ARHGEF4: variants seen among roughly 807,000 people sequenced by gnomAD.
ARHGEF4 encodes the protein APC-stimulated guanine nucleotide exchange factor 1.
Under a neutral mutation model 162.0 loss-of-function variants are expected in ARHGEF4, and 119 were observed. That is an observed-to-expected ratio of 0.73 (90% CI 0.63 to 0.86). The LOEUF (loss-of-function observed/expected upper bound fraction) is 0.86, where lower values mean the gene tolerates loss of function less well. ARHGEF4 is among the 40% of genes least tolerant of loss of function. The pLI, the probability that ARHGEF4 is intolerant of heterozygous loss-of-function variation, is 0.00. For synonymous variants in ARHGEF4, 1,014 were observed against 979.9 expected, an observed-to-expected ratio of 1.03 and a Z score of -0.65; for missense variants, 2,488 against 2,456.0, an observed-to-expected ratio of 1.01 and a Z score of -0.28.
chr2:130,915,290 G>A lies in ARHGEF4; in HGVS notation c.1344G>A (p.Lys448=), dbSNP rs1482101600. The A allele has an allele frequency of 6.4e-7, 1 of 1,550,678 alleles. No individual in the cohort carries two copies. The highest frequency in any genetic ancestry group is 8.7e-7 in the Non-Finnish European group (1 of 1,147,026). The part of the protein sequence containing the change: ...VASCLTSELV[K]LSAEEVPEPA... Reference sequence around the variant, plus strand: ...CATGCCTCACCTCAGAGTTAGTGAAGCTCAGTGCAGAGGAAGTGCCTGAGC... The same window carrying A: ...CATGCCTCACCTCAGAGTTAGTGAAACTCAGTGCAGAGGAAGTGCCTGAGC... The change falls in exon 2 of 14, where the codon AAG becomes AAA. Residue 448 remains lysine (K), a synonymous_variant. Transcript: ENST00000409359.
At chr2:130,968,785 G>A (rs975236237) in intron 4 of ARHGEF4, among the ~76,000 whole-genome samples, 1 of 152,156 alleles carries the variant, frequency 6.6e-6, no homozygotes, top group African/African-American at 2.4e-5. Context: ...GGGTGTGGTG[G>A]CACGCGCCTG....
chr2:130,918,643 G>T (rs1221050835), intron 2 of ARHGEF4, among the ~76,000 whole-genome samples: 1 of 152,204 alleles, frequency 6.6e-6, no homozygotes, highest in Non-Finnish European at 1.5e-5. Flanking sequence ...CTGGCAGAGC[G>T]CCTCCAGGCC....
intron 3 of ARHGEF4, among the ~76,000 whole-genome samples, chr2:130,931,581 G>A (rs991946082): frequency 2.0e-5 from 3 of 152,360 alleles, no homozygotes; most frequent in South Asian, 2.1e-4. Flanking sequence ...TGCCTGCTGT[G>A]TGCCCGACAT....
At position 131,046,029 on chromosome 2, in the gene ARHGEF4, C is replaced by T; in HGVS notation, c.5480-9C>T. ...CACCCATGACCCTCTGCTGTCTCTC[C>T]CTGTTCAGCTGTTGGCCGGCCCTGC... On this transcript the variant is annotated splice_polypyrimidine_tract_variant and intron_variant, in intron 13 of 13. Transcript: ENST00000409359. 1 of 1,608,438 alleles carries T rather than the reference C, an allele frequency of 6.2e-7. No homozygotes were observed. Among genetic ancestry groups the T allele is most frequent in the Non-Finnish European group, 8.5e-7 (1 of 1,176,868 alleles).
Position 130,917,321 on chromosome 2 carries a change from C to A in ARHGEF4, c.3375C>A (p.Tyr1125Ter). 1.9e-6 allele frequency: 3 copies of A among 1,550,560 alleles called. No individual in the cohort carries two copies. The highest frequency in any genetic ancestry group is 2.6e-6 in the Non-Finnish European group (3 of 1,146,992). ...ISMVSLGSYS[Y>*]VDSSSGDPER... ...TGGTTTCTCTTGGAAGCTACAGCTA[C>A]GTGGACAGCAGTTCAGGGGACCCTG... The change falls in exon 2 of 14, where the codon TAC (tyrosine) becomes TAA (stop). Residue 1125 changes from tyrosine (Y) to a stop codon, truncating the protein, a stop_gained. Transcript: ENST00000409359. LOFTEE classifies it high-confidence loss of function.
At chr2:131,021,549 C>T (rs527747828) in intron 4 of ARHGEF4, among the ~76,000 whole-genome samples, 1 of 152,170 alleles carries the variant, frequency 6.6e-6, no homozygotes, top group African/African-American at 2.4e-5. Context: ...CTAGGCATTA[C>T]CATTCAGGAC....
intron 4 of ARHGEF4, among the ~76,000 whole-genome samples, chr2:131,023,993 A>G (rs2105359967): frequency 6.6e-6 from 1 of 152,352 alleles, no homozygotes; most frequent in African/African-American, 2.4e-5. Flanking sequence ...GATAGAGTGC[A>G]GGACATTTGG....
chr2:130,879,124 A>C (rs1296710600), intron 1 of ARHGEF4, among the ~76,000 whole-genome samples: 1 of 152,176 alleles, frequency 6.6e-6, no homozygotes, highest in African/African-American at 2.4e-5. Context: ...TGAGTCCAGG[A>C]GGGAGGGAGT....
chr2:131,022,004 A>G (rs1305762582), intron 4 of ARHGEF4, among the ~76,000 whole-genome samples: 2 of 152,122 alleles, frequency 1.3e-5, no homozygotes, highest in Non-Finnish European at 1.5e-5. Flanking sequence ...AATAAATTCC[A>G]TTTGGTCCTG....
chr2:131,040,042 G>A lies in ARHGEF4; in HGVS notation c.4332G>A (p.Ala1444=). 1 of 1,574,648 alleles carries A rather than the reference G, an allele frequency of 6.4e-7. No individual in the cohort carries two copies. The highest frequency in any genetic ancestry group is 1.4e-5 in the African/African-American group (1 of 73,848). The change falls in exon 7 of 14, where the codon GCG becomes GCA. Residue 1444 remains alanine, a synonymous_variant. Transcript: ENST00000409359. ...TGAGGGTGAATCAGGACGAGCCCGC[G>A]GATGACGACGCCCCTCTGGCCGGGA... ...VRLRVNQDEP[A]DDDAPLAGNS...
chr2:131,041,761 C>A, intron 9 of ARHGEF4, 54 bp from the exon 10 acceptor site: 3 of 1,591,504 alleles, frequency 1.9e-6, no homozygotes, highest in South Asian at 1.1e-5. Context: ...AGGGGATCCT[C>A]ACCCTTTCTC....
Position 130,847,062 on chromosome 2 carries a change from C to T in ARHGEF4, c.39+10070C>T, listed in dbSNP as rs561329940. 5.9e-5 allele frequency among the ~76,000 whole-genome samples: 9 copies of T among 152,248 alleles called. No individual in the cohort carries two copies. In the South Asian group the frequency reaches 6.2e-4, roughly 11 times the overall value. The stretch of plus-strand genomic sequence containing the variant: ...AGCCTGGGTGTAATTCTGATGTGCG[C>T]GGGCTAAGAGCCCTGTGTGGATTCC... On this transcript the variant is annotated intron_variant, in intron 1 of 13. Coordinates refer to ENST00000409359, the MANE Select transcript of ARHGEF4 (RefSeq NM_001367493.1).
At chr2:130,933,479 C>T (rs1682761945) in intron 3 of ARHGEF4, among the ~76,000 whole-genome samples, 1 of 152,052 alleles carries the variant, frequency 6.6e-6, no homozygotes. Context: ...TTGGGATTTC[C>T]ATAGGATTGC....
At chr2:130,967,014 G>A (rs544046486) in intron 4 of ARHGEF4, among the ~76,000 whole-genome samples, 10 of 152,292 alleles carry the variant, frequency 6.6e-5, no homozygotes, top group Admixed American at 5.9e-4. Flanking sequence ...CGTCAGCACA[G>A]CTTGATTGTG....
intron 4 of ARHGEF4, among the ~76,000 whole-genome samples, chr2:130,978,568 T>C (rs572456458): frequency 6.6e-6 from 1 of 152,212 alleles, no homozygotes; most frequent in Non-Finnish European, 1.5e-5. Flanking sequence ...GTCCCTTCAA[T>C]TGTGTCGCAT....
intron 1 of ARHGEF4, among the ~76,000 whole-genome samples, chr2:130,882,336 A>T (rs1679246262): frequency 6.6e-6 from 1 of 151,978 alleles, no homozygotes; most frequent in Non-Finnish European, 1.5e-5. Context: ...TGGGTGGCTT[A>T]CACAGCAGAC....
At chr2:130,884,735 C>T (rs928831288) in intron 1 of ARHGEF4, among the ~76,000 whole-genome samples, 1 of 152,124 alleles carries the variant, frequency 6.6e-6, no homozygotes, top group African/African-American at 2.4e-5. Flanking sequence ...TAGAGAAATA[C>T]TGTTGAAGGG....
chr2:130,923,791 CAT>C (rs770849918), intron 2 of ARHGEF4, among the ~76,000 whole-genome samples: 4 of 152,164 alleles, frequency 2.6e-5, no homozygotes, highest in Non-Finnish European at 5.9e-5. Context: ...GGTCCAGCCT[CAT>C]ATGTTAGTAA....
Position 131,046,397 on chromosome 2 carries a change from G to A in ARHGEF4, c.*208G>A, listed in dbSNP as rs1691266160. On this transcript the variant is annotated 3_prime_UTR_variant, in exon 14 of 14. Transcript: ENST00000409359. Reference sequence around the variant, plus strand: ...GTGCCCTGAAGAGACCAGCAAGGGGGCAGACCCCGCACTCGCCACACCGCC... The same window carrying A: ...GTGCCCTGAAGAGACCAGCAAGGGGACAGACCCCGCACTCGCCACACCGCC... The A allele has an allele frequency of 3.4e-6, 2 of 588,498 alleles. No homozygotes were observed. Among genetic ancestry groups the A allele is most frequent in the Admixed American group, 3.1e-5 (1 of 32,362 alleles). 36.5% of individuals were successfully genotyped at this position (588,498 alleles called of 1,614,324 possible).
Sources: allele counts gnomAD v4.1 joint callset (sites outside exome capture counted in the v4.1 genomes callset), GRCh38; gene constraint gnomAD v4.1.1; transcripts MANE v1.5; gene names NCBI Gene and HGNC (gene_info 2026-07-23, HGNC 2026-07-21).